PRKCH: variants seen among roughly 807,000 people sequenced by gnomAD.
PRKCH encodes protein kinase C eta.
In PRKCH, 28 loss-of-function variants were observed where a neutral mutation model predicts 82.5. The observed-to-expected ratio is 0.34, with a 90% CI of 0.25 to 0.47. The LOEUF is 0.47. PRKCH is among the 20% of genes least tolerant of loss of function. The pLI is 1.00. For missense variants in PRKCH, 705 were observed against 881.8 expected (o/e 0.80, Z 2.54); for synonymous variants, 322 against 327.4 (o/e 0.98, Z 0.18).
In PRKCH at chr14:61,487,882, G is replaced by A. The variant is rs138431605; in HGVS notation, c.1433+2226G>A. On this transcript the variant is annotated intron_variant, in intron 10 of 13. Coordinates refer to ENST00000332981, the MANE Select transcript of PRKCH (RefSeq NM_006255.5). ...GTTAAAAAATTAGCCAGCCGGGCGCGGTGGCTCACGCCTGTAATCCCAGCA... is the reference window on the plus strand; with the variant it reads ...GTTAAAAAATTAGCCAGCCGGGCGCAGTGGCTCACGCCTGTAATCCCAGCA... Among the ~76,000 whole-genome samples, 203 of 151,946 alleles carry A rather than the reference G, an allele frequency of 1.3e-3. 3 individuals carry two copies. The East Asian group carries it at 0.026, about 20-fold the overall frequency.
At chr14:61,288,794 G>A (rs1324766276) in intron 1 of PRKCH, among the ~76,000 whole-genome samples, 2 of 152,148 alleles carry the variant, frequency 1.3e-5, no homozygotes, top group Non-Finnish European at 2.9e-5. Flanking sequence ...ATTTCATCTA[G>A]CAATTCTCTT....
At chr14:61,469,167 C>A (rs984648387) in intron 9 of PRKCH, among the ~76,000 whole-genome samples, 2 of 152,194 alleles carry the variant, frequency 1.3e-5, no homozygotes, top group African/African-American at 4.8e-5. Context: ...GAACTCCTGA[C>A]CTCAAGCAAT....
chr14:61,188,588 TCGG>T (rs1212620364), intron 1 of PRKCH, among the ~76,000 whole-genome samples: 1,476 of 69,428 alleles, frequency 0.021, 203 homozygotes, highest in South Asian at 0.049. Context: ...TGTGTGTGTG[TCGG>T]GGGGGTGGGG....
intron 10 of PRKCH, among the ~76,000 whole-genome samples, chr14:61,497,594 T>A (rs775698394): frequency 1.3e-5 from 2 of 152,210 alleles, no homozygotes; most frequent in Non-Finnish European, 2.9e-5. Flanking sequence ...ATATGGAACA[T>A]TTCTGTCATC....
chr14:61,505,076 G>A (rs1887076735), intron 10 of PRKCH, among the ~76,000 whole-genome samples: 1 of 152,104 alleles, frequency 6.6e-6, no homozygotes, highest in Non-Finnish European at 1.5e-5. Context: ...TTTATTTGTG[G>A]TTTTATTTCA....
chr14:61,194,933 C>T (rs561423177), intron 1 of PRKCH, among the ~76,000 whole-genome samples: 2 of 152,254 alleles, frequency 1.3e-5, no homozygotes, highest in South Asian at 2.1e-4. Context: ...AGGGTTTCAC[C>T]ATGTCGGCCA....
At chr14:61,384,774 A>G (rs1243384069) in intron 1 of PRKCH, among the ~76,000 whole-genome samples, 2 of 152,086 alleles carry the variant, frequency 1.3e-5, no homozygotes, top group East Asian at 1.9e-4. Context: ...AACCAGGCAT[A>G]GGATATTTTC....
At chr14:61,511,459 C>G (rs539332321) in intron 10 of PRKCH, among the ~76,000 whole-genome samples, 1 of 152,312 alleles carries the variant, frequency 6.6e-6, no homozygotes, top group South Asian at 2.1e-4. Flanking sequence ...CCACCCAGAA[C>G]TGCCAGAGCC....
intron 1 of PRKCH, chr14:61,281,131 G>A: frequency 7.1e-7 from 1 of 1,401,770 alleles, no homozygotes; most frequent in Non-Finnish European, 9.3e-7. Context: ...GCCCCGGGCC[G>A]TGGCGCTCCA....
chr14:61,548,704 A>G (rs1319216563), intron 13 of PRKCH, among the ~76,000 whole-genome samples: 1 of 130,824 alleles, frequency 7.6e-6, no homozygotes, highest in African/African-American at 3.6e-5. Context: ...TACTAAAAAT[A>G]CAAAAAAAAA....
chr14:61,498,194 A>G (rs763947515), intron 10 of PRKCH, among the ~76,000 whole-genome samples: 1 of 151,976 alleles, frequency 6.6e-6, no homozygotes, highest in Non-Finnish European at 1.5e-5. Flanking sequence ...TTGTATTTTT[A>G]GTAGAGACGG....
At chr14:61,333,275 A>G (rs755214340) in intron 1 of PRKCH, among the ~76,000 whole-genome samples, 20 of 152,206 alleles carry the variant, frequency 1.3e-4, no homozygotes, top group Admixed American at 6.5e-5. Flanking sequence ...GTTTCTGGAA[A>G]AATGCACATA....
intron 1 of PRKCH, among the ~76,000 whole-genome samples, chr14:61,325,240 GATA>G (rs2045678160): frequency 1.3e-5 from 2 of 152,308 alleles, no homozygotes; most frequent in South Asian, 4.1e-4. Flanking sequence ...CCGTAATCAA[GATA>G]ATGTGATATT....
At chr14:61,268,677 A>AAT (rs1042885438) in intron 1 of PRKCH, among the ~76,000 whole-genome samples, 25 of 152,096 alleles carry the variant, frequency 1.6e-4, no homozygotes, top group South Asian at 4.2e-4. Context: ...CCTGCCAAAA[A>AAT]ATATATATAT....
intron 2 of PRKCH, among the ~76,000 whole-genome samples, chr14:61,413,257 A>G (rs1354801232): frequency 1.3e-5 from 2 of 151,836 alleles, no homozygotes; most frequent in Non-Finnish European, 2.9e-5. Flanking sequence ...GTGATGCTGC[A>G]TTTGGTTCTG....
At chr14:61,374,854 C>T (rs1321059198) in intron 1 of PRKCH, among the ~76,000 whole-genome samples, 1 of 152,100 alleles carries the variant, frequency 6.6e-6, no homozygotes, top group African/African-American at 2.4e-5. Flanking sequence ...TGCCTATTAA[C>T]ATTTGGCTCC....
intron 11 of PRKCH, among the ~76,000 whole-genome samples, chr14:61,529,534 A>G (rs961538439): frequency 2.0e-5 from 3 of 152,032 alleles, no homozygotes; most frequent in African/African-American, 7.3e-5. Context: ...GACTGGATTA[A>G]GAAAATGTGG....
At chr14:61,505,119 C>G (rs1887078900) in intron 10 of PRKCH, among the ~76,000 whole-genome samples, 1 of 152,292 alleles carries the variant, frequency 6.6e-6, no homozygotes, top group South Asian at 2.1e-4. Flanking sequence ...ACAGATACCT[C>G]TCTCCCCACT....
chr14:61,257,406 A>G (rs964230266), intron 1 of PRKCH, among the ~76,000 whole-genome samples: 1 of 152,186 alleles, frequency 6.6e-6, no homozygotes, highest in Non-Finnish European at 1.5e-5. Context: ...CACAGTGGGC[A>G]TGGCATATAA....
Sources: gnomAD v4.1 joint callset for allele counts (sites outside exome capture counted in the v4.1 genomes callset) on GRCh38, gnomAD v4.1.1 for gene constraint, MANE v1.5 for transcripts, NCBI Gene and HGNC (gene_info 2026-07-23, HGNC 2026-07-21) for gene names.